RELN: variants seen among roughly 807,000 people sequenced by gnomAD.
The protein encoded by RELN is reelin.
Under a neutral mutation model 427.6 loss-of-function variants are expected in RELN, and 108 were observed. That is an observed-to-expected ratio of 0.25 (90% CI 0.22 to 0.30). RELN has a LOEUF of 0.30. RELN is among the 10% of genes least tolerant of loss of function. RELN has a pLI of 1.00. For synonymous variants in RELN, 1,524 were observed against 1,513.4 expected (o/e 1.01, Z -0.16); for missense variants, 3,715 against 4,302.8 (o/e 0.86, Z 3.82).
At chr7:103,681,490 GT>G (rs1269332762) in intron 11 of RELN, among the ~76,000 whole-genome samples, 1 of 151,372 alleles carries the variant, frequency 6.6e-6, no homozygotes, top group East Asian at 1.9e-4. Context: ...TCTTATTAAT[GT>G]TTTTTTTCAA....
Position 103,486,237 on chromosome 7 carries a change from T to G in RELN, c.9943A>C (p.Arg3315=). 6.2e-7 allele frequency: 1 copy of G among 1,614,022 alleles called. No homozygotes were observed. The highest frequency in any genetic ancestry group is 1.1e-5 in the South Asian group (1 of 91,076). ...DSLYFNGCQI[R]QAATKPLDLT... is the part of the protein sequence containing the mutation. The stretch of plus-strand genomic sequence containing the variant: ...TCCAGAGGCTTGGTAGCTGCTTGCC[T>G]GATCTGACAGCCATTAAAGTACAGT... Residue 3315 remains arginine (R), a synonymous_variant, in exon 61 of 65, where the codon AGG becomes CGG. Transcript: ENST00000428762.
chr7:103,673,742 TG>T (rs542043843), intron 11 of RELN, among the ~76,000 whole-genome samples: 90 of 152,002 alleles, frequency 5.9e-4, no homozygotes, highest in Non-Finnish European at 1.1e-3. Flanking sequence ...TCAAGATAAC[TG>T]CTTCCTTTAA....
chr7:103,923,399 G>A (rs1795657976), intron 1 of RELN, among the ~76,000 whole-genome samples: 1 of 151,934 alleles, frequency 6.6e-6, no homozygotes, highest in South Asian at 2.1e-4. Flanking sequence ...ACATGGTTTT[G>A]TGTGGATTTC....
intron 24 of RELN, among the ~76,000 whole-genome samples, chr7:103,596,888 G>T (rs2117255862): frequency 6.6e-6 from 1 of 152,310 alleles, no homozygotes; most frequent in East Asian, 1.9e-4. Context: ...CCCAGGCTGG[G>T]TTATGAGAGA....
chr7:103,556,969 A>C lies in RELN; in HGVS notation c.5797+8T>G. 6.2e-7 allele frequency: 1 copy of C among 1,605,346 alleles called. No individual in the cohort carries two copies. The highest frequency in any genetic ancestry group is 8.5e-7 in the Non-Finnish European group (1 of 1,171,942). On this transcript the variant is annotated splice_region_variant and intron_variant, in intron 38 of 64. Coordinates refer to ENST00000428762, the MANE Select transcript of RELN (RefSeq NM_005045.4). ...GTTCTGATCACAGGAGAACACATGCATTTTTACCGTTATTATAAGGTTGCC... is the reference window on the plus strand; with the variant it reads ...GTTCTGATCACAGGAGAACACATGCCTTTTTACCGTTATTATAAGGTTGCC...
chr7:103,710,250 A>C (rs181081716), intron 8 of RELN, among the ~76,000 whole-genome samples: 1 of 151,900 alleles, frequency 6.6e-6, no homozygotes, highest in East Asian at 1.9e-4. Context: ...CATTTGGACT[A>C]CTCCTTCATC....
intron 1 of RELN, among the ~76,000 whole-genome samples, chr7:103,959,613 C>T (rs1479242756): frequency 8.2e-6 from 1 of 121,356 alleles, no homozygotes; most frequent in Non-Finnish European, 1.9e-5. Context: ...CTCTCTCTCT[C>T]TTTTTTTCTT....
intron 20 of RELN, among the ~76,000 whole-genome samples, chr7:103,618,889 G>C (rs1481885392): frequency 6.6e-6 from 1 of 152,134 alleles, no homozygotes; most frequent in Non-Finnish European, 1.5e-5. Flanking sequence ...GAGGTGGGCA[G>C]ATCACGAGGT....
intron 6 of RELN, among the ~76,000 whole-genome samples, chr7:103,737,699 T>C (rs550522195): frequency 6.6e-6 from 1 of 152,326 alleles, no homozygotes; most frequent in East Asian, 1.9e-4. Context: ...TATTAATTGC[T>C]CCAACAAATT....
chr7:103,501,313 A>G (rs1417992819), intron 52 of RELN, among the ~76,000 whole-genome samples: 1 of 152,232 alleles, frequency 6.6e-6, no homozygotes, highest in Admixed American at 6.5e-5. Flanking sequence ...AAGGTGAGTG[A>G]CGCCTTTGAC....
At chr7:103,967,731 AC>A (rs1796688051) in intron 1 of RELN, among the ~76,000 whole-genome samples, 2 of 152,216 alleles carry the variant, frequency 1.3e-5, no homozygotes, top group Non-Finnish European at 2.9e-5. Flanking sequence ...CTCACTGTTC[AC>A]AAAACTTTTC....
chr7:103,986,597 A>G (rs1352929005), intron 1 of RELN, among the ~76,000 whole-genome samples: 2 of 145,600 alleles, frequency 1.4e-5, no homozygotes, highest in Non-Finnish European at 3.0e-5. Context: ...GCTATTGTGC[A>G]CACCACCTCT....
At chr7:103,727,986 T>C in intron 7 of RELN, 125 bp downstream of exon 7, 1 of 848,692 alleles carries the variant, frequency 1.2e-6, no homozygotes, top group Non-Finnish European at 1.9e-6. Flanking sequence ...AAGATATTTG[T>C]AATAGGACTC....
chr7:103,547,512 C>G (rs1260043938), intron 41 of RELN, among the ~76,000 whole-genome samples: 13 of 152,032 alleles, frequency 8.6e-5, no homozygotes, highest in Admixed American at 1.3e-4. Flanking sequence ...GGCCAGGCTG[C>G]TCTCAAAGTC....
chr7:103,677,081 C>T (rs1833546119), intron 11 of RELN, among the ~76,000 whole-genome samples: 3 of 151,462 alleles, frequency 2.0e-5, no homozygotes, highest in Admixed American at 2.0e-4. Flanking sequence ...ACTATGCAGC[C>T]ATAAAAAAGG....
chr7:103,803,654 C>T (rs779043414), intron 3 of RELN, among the ~76,000 whole-genome samples: 1 of 152,064 alleles, frequency 6.6e-6, no homozygotes, highest in African/African-American at 2.4e-5. Context: ...ATTATATACT[C>T]AGCTTCTAAG....
Position 103,829,280 on chromosome 7 carries a change from T to G in RELN, c.473+4257A>C, listed in dbSNP as rs566862650. Among the ~76,000 whole-genome samples the G allele has an allele frequency of 1.3e-4, 20 of 151,824 alleles. No individual in the cohort carries two copies. The East Asian group carries it at 2.7e-3, about 21-fold the overall frequency. On this transcript the variant is annotated intron_variant, in intron 3 of 64. Transcript: ENST00000428762. ...GGTTAGACGGTTTGGAGATTGGCTT[T>G]CTTTCTTCTTTCTTTCCTTCCCTCT...
At position 103,566,396 on chromosome 7, in the gene RELN, C is replaced by G. The variant is rs771421559; in HGVS notation, c.4764G>C (p.Gln1588His). 6.2e-6 allele frequency: 10 copies of G among 1,614,112 alleles called. No individual in the cohort carries two copies. The highest frequency in any genetic ancestry group is 8.5e-6 in the Non-Finnish European group (10 of 1,179,960). ...CTATAAGAACATCATCCAAAGCCCACTGGGCTGAATGCTTCCCTGCAATCA... is the reference window on the plus strand; with the variant it reads ...CTATAAGAACATCATCCAAAGCCCAGTGGGCTGAATGCTTCCCTGCAATCA... The part of the protein sequence containing the change: ...WQPQHGKHSA[Q>H]WALDDVLIGM... The change falls in exon 33 of 65, where the codon CAG becomes CAC. Residue 1588 changes from glutamine (Q) to histidine (H), a missense_variant. Gln to His is a conservative substitution (Grantham distance 24). Transcript: ENST00000428762.
chr7:103,813,214 G>A (rs1357604559), intron 3 of RELN, among the ~76,000 whole-genome samples: 1 of 152,048 alleles, frequency 6.6e-6, no homozygotes, highest in Admixed American at 6.6e-5. Context: ...CCTCTGGCTA[G>A]TCTCTCTCCC....
Sources: allele counts gnomAD v4.1 joint callset (sites outside exome capture counted in the v4.1 genomes callset), GRCh38; gene constraint gnomAD v4.1.1; transcripts MANE v1.5; gene names NCBI Gene and HGNC (gene_info 2026-07-23, HGNC 2026-07-21).